Variants in RABGAP1L observed in about 807,000 individuals in gnomAD.
RABGAP1L encodes the protein rab GTPase-activating protein 1-like.
RABGAP1L carries 63 observed loss-of-function variants against 137.7 expected under a neutral mutation model. The observed-to-expected ratio is 0.46, with a 90% CI of 0.37 to 0.56. The LOEUF (loss-of-function observed/expected upper bound fraction) is 0.56. Ranked by LOEUF, RABGAP1L falls within the 20% of genes least tolerant of loss-of-function variation. The pLI is 0.00. For missense variants in RABGAP1L, 1,095 were observed against 1,244.0 expected, an observed-to-expected ratio of 0.88 and a Z score of 1.80; for synonymous variants, 431 against 433.7, an observed-to-expected ratio of 0.99 and a Z score of 0.08.
At chr1:174,601,562 G>A (rs1441485062) in intron 13 of RABGAP1L, among the ~76,000 whole-genome samples, 3 of 152,046 alleles carry the variant, frequency 2.0e-5, no homozygotes, top group Non-Finnish European at 4.4e-5. Context: ...GAGTTAATGG[G>A]TGCAGCAAAC....
At chr1:174,199,000 C>T (rs746649189) in intron 1 of RABGAP1L, among the ~76,000 whole-genome samples, 21 of 152,052 alleles carry the variant, frequency 1.4e-4, no homozygotes, top group Non-Finnish European at 2.8e-4. Flanking sequence ...CCCAGCTACT[C>T]GGGAGGCTGA....
chr1:174,841,860 CTTTT>C (rs757469241), intron 19 of RABGAP1L, among the ~76,000 whole-genome samples: 1 of 144,664 alleles, frequency 6.9e-6, no homozygotes, highest in African/African-American at 2.5e-5. Context: ...GAATAACTTT[CTTTT>C]TTTTTTTTGA....
intron 19 of RABGAP1L, chr1:174,875,636 T>C: frequency 2.0e-6 from 2 of 985,396 alleles, no homozygotes; most frequent in Non-Finnish European, 2.4e-6. Context: ...TAATCTGAAA[T>C]CTTCTGGTGC....
intron 19 of RABGAP1L, among the ~76,000 whole-genome samples, chr1:174,824,260 A>G (rs1691340003): frequency 6.6e-6 from 1 of 152,134 alleles, no homozygotes; most frequent in South Asian, 2.1e-4. Context: ...ACTTCCCTCC[A>G]GCCTGGGCGA....
chr1:174,312,581 G>A (rs1018979608), intron 11 of RABGAP1L, among the ~76,000 whole-genome samples: 2 of 152,014 alleles, frequency 1.3e-5, no homozygotes, highest in Non-Finnish European at 2.9e-5. Context: ...TGCATCCTTT[G>A]CTGTGCAGAA....
chr1:174,211,225 C>T (rs1571566998), intron 1 of RABGAP1L, among the ~76,000 whole-genome samples: 1 of 152,234 alleles, frequency 6.6e-6, no homozygotes, highest in East Asian at 1.9e-4. Flanking sequence ...GTAAACTACT[C>T]TTGTCCTAAG....
chr1:174,181,390 T>G (rs1040522472), intron 1 of RABGAP1L, among the ~76,000 whole-genome samples: 3 of 149,684 alleles, frequency 2.0e-5, no homozygotes, highest in Non-Finnish European at 3.0e-5. Context: ...CAGGCTGGAG[T>G]GCAGTGGCGT....
At chr1:174,575,210 A>G (rs1369752831) in intron 13 of RABGAP1L, among the ~76,000 whole-genome samples, 3 of 152,200 alleles carry the variant, frequency 2.0e-5, no homozygotes, top group African/African-American at 7.2e-5. Flanking sequence ...GATTACAGGC[A>G]TGAGCCATCA....
At chr1:174,522,564 C>T (rs908663325) in intron 13 of RABGAP1L, among the ~76,000 whole-genome samples, 6 of 147,522 alleles carry the variant, frequency 4.1e-5, no homozygotes, top group Admixed American at 1.4e-4. Context: ...GGGAGGGAGA[C>T]GAGGGAAGGG....
chr1:174,738,932 T>C (rs2148644630), intron 17 of RABGAP1L, among the ~76,000 whole-genome samples: 1 of 152,342 alleles, frequency 6.6e-6, no homozygotes, highest in East Asian at 1.9e-4. Flanking sequence ...GCCTTGTAGC[T>C]CTCACTTTTA....
chr1:174,335,315 A>G (rs59338061), intron 11 of RABGAP1L, among the ~76,000 whole-genome samples: 2 of 152,342 alleles, frequency 1.3e-5, no homozygotes, highest in African/African-American at 4.8e-5. Context: ...TGTCAAAGCA[A>G]AAGTGGAAGT....
chr1:174,587,221 G>A (rs1046016681), intron 13 of RABGAP1L, among the ~76,000 whole-genome samples: 1 of 142,836 alleles, frequency 7.0e-6, no homozygotes, highest in Non-Finnish European at 1.5e-5. Context: ...GTGTGCATGT[G>A]TCTTTATAGC....
intron 12 of RABGAP1L, among the ~76,000 whole-genome samples, chr1:174,373,195 A>C (rs867253028): frequency 3.9e-5 from 6 of 152,164 alleles, no homozygotes; most frequent in African/African-American, 1.4e-4. Context: ...TGTGGGATGG[A>C]GAGCGGCAGG....
At chr1:174,457,265 AG>A (rs1348735578) in intron 13 of RABGAP1L, among the ~76,000 whole-genome samples, 1 of 152,202 alleles carries the variant, frequency 6.6e-6, no homozygotes, top group Non-Finnish European at 1.5e-5. Flanking sequence ...TGTTCAGATT[AG>A]TACAAAAGTG....
chr1:174,351,093 AGGGGG>A lies in RABGAP1L; in HGVS notation c.1466-19885_1466-19881del, dbSNP rs1683141696. 1.6e-3 allele frequency among the ~76,000 whole-genome samples: 16 copies of A among 9,850 alleles called. 1 individual carries two copies. Among genetic ancestry groups the A allele is most frequent in the South Asian group, 0.013 (4 of 298 alleles). The allele number at this position is 9,850 out of a possible 152,430, so 6.5% of individuals were successfully genotyped here. A position where few individuals can be genotyped will look rare whatever the true frequency, so the allele number is the denominator to read the frequency against. On this transcript the variant is annotated intron_variant, in intron 11 of 25. Transcript: ENST00000681986. ...TGGGGGGAGGGGGAGGGGGAGGGGG[AGGGGG>A]AGGGGTTGTTTCTATTTATATCTTA...
intron 11 of RABGAP1L, among the ~76,000 whole-genome samples, chr1:174,366,681 A>T (rs1469149945): frequency 6.6e-6 from 1 of 151,158 alleles, no homozygotes; most frequent in Non-Finnish European, 1.5e-5. Flanking sequence ...AGGCTGAGAC[A>T]GGAGAATCAC....
intron 15 of RABGAP1L, among the ~76,000 whole-genome samples, chr1:174,696,303 C>T (rs769393835): frequency 1.3e-5 from 2 of 151,960 alleles, no homozygotes; most frequent in Admixed American, 6.6e-5. Context: ...CTCTTTTCCA[C>T]AAGCAGAAAA....
intron 13 of RABGAP1L, among the ~76,000 whole-genome samples, chr1:174,450,917 T>TTCAAAGGTCTTTTAGTAGAAA (rs1655365092): frequency 6.6e-6 from 1 of 152,214 alleles, no homozygotes; most frequent in African/African-American, 2.4e-5. Flanking sequence ...GTGGTTTGGC[T>TTCAAAGGTCTTTTAGTAGAAA]TCAAAGGTCT....
intron 13 of RABGAP1L, among the ~76,000 whole-genome samples, chr1:174,459,678 A>G (rs1656448620): frequency 6.6e-6 from 1 of 152,180 alleles, no homozygotes; most frequent in East Asian, 1.9e-4. Context: ...CACAGATGCG[A>G]CCATCCATTT....
Sources: allele counts gnomAD v4.1 joint callset (sites outside exome capture counted in the v4.1 genomes callset), GRCh38; gene constraint gnomAD v4.1.1; transcripts MANE v1.5; gene names NCBI Gene and HGNC (gene_info 2026-07-23, HGNC 2026-07-21).